The following ATP8B1 variants were observed in gnomAD, a reference collection of about 807,000 sequenced individuals.
ATP8B1 encodes the protein phospholipid-transporting ATPase IC.
ATP8B1 carries 80 observed loss-of-function variants against 149.9 expected under a neutral mutation model. The ratio of observed to expected loss-of-function variants is 0.53; its 90% CI spans 0.45 to 0.64. The LOEUF (loss-of-function observed/expected upper bound fraction) is 0.64, where lower values mean the gene tolerates loss of function less well. Among genes scored for constraint, ATP8B1 ranks in the 30% least tolerant of loss-of-function variants. The probability of loss-of-function intolerance (pLI) is 0.00; values close to 1 mark genes in which losing one functional copy is unlikely to be tolerated. For synonymous variants in ATP8B1, 536 were observed against 562.8 expected (o/e 0.95, Z 0.67); for missense variants, 1,247 against 1,552.6 (o/e 0.80, Z 3.31).
At chr18:57,721,742 C>A (rs1360945793) in intron 2 of ATP8B1, among the ~76,000 whole-genome samples, 1 of 95,824 alleles carries the variant, frequency 1.0e-5, no homozygotes, top group Admixed American at 1.2e-4. Flanking sequence ...CTGCACCAAG[C>A]GGACCTAATA....
chr18:57,783,480 C>T (rs554806592), intron 1 of ATP8B1, among the ~76,000 whole-genome samples: 4 of 152,026 alleles, frequency 2.6e-5, no homozygotes, highest in Non-Finnish European at 5.9e-5. Flanking sequence ...ATCGAATATG[C>T]CTGGTAGATG....
chr18:57,706,384 G>T, intron 3 of ATP8B1, 106 bp downstream of exon 3: 1 of 832,358 alleles, frequency 1.2e-6, no homozygotes. Context: ...GTAGCCCCAG[G>T]CAGGTGGTTA....
At chr18:57,718,103 TA>T (rs59629558) in intron 2 of ATP8B1, among the ~76,000 whole-genome samples, 6,221 of 31,976 alleles carry the variant, frequency 0.19, 186 homozygotes, top group East Asian at 0.38. Flanking sequence ...CTGGACTAAC[TA>T]AAAAAAAAAA....
rs187630495 is a variant in ATP8B1 at position 57,655,303 on chromosome 18, C to A, written c.2822G>T (p.Arg941Leu). The stretch of plus-strand genomic sequence containing the variant: ...CTTGCACATCCTTATGTAAGACCAT[C>A]GGCCATGCACCAGCAGTAGCCTCTG... Reference protein sequence around the residue: ...YLQRLLLVHGRWSYIRMCKFL... With the variant: ...YLQRLLLVHGLWSYIRMCKFL... The change falls in exon 23 of 28, where the codon CGA (arginine) becomes CTA (leucine). Residue 941 changes from arginine to leucine, a missense_variant. Arg to Leu is a moderately radical substitution (Grantham distance 102). This residue lies in a region of ATP8B1 where 230 missense variants were observed against 356.6 expected (regional missense o/e 0.65). Coordinates refer to ENST00000648908, the MANE Select transcript of ATP8B1 (RefSeq NM_001374385.1). The A allele has an allele frequency of 6.2e-7, 1 of 1,614,092 alleles. No individual in the cohort carries two copies. Among genetic ancestry groups the A allele is most frequent in the Non-Finnish European group, 8.5e-7 (1 of 1,179,936 alleles).
At chr18:57,668,586 ACC>A (rs1911041039) in intron 18 of ATP8B1, 46 bp from the exon 19 acceptor site, 1 of 1,275,600 alleles carries the variant, frequency 7.8e-7, no homozygotes, top group Admixed American at 2.2e-5. Flanking sequence ...TAGCAAACAA[ACC>A]AAAAGTTTTC....
In ATP8B1 at chr18:57,650,442, A is replaced by C. The variant is rs1354621412; in HGVS notation, c.3456T>G (p.Ala1152=). ...QPYIWLTIIL[A]VAVCLLPVVA... is the part of the protein sequence containing the mutation. ...CGACGGGTAGTAAGCACACAGCAACAGCCAGGATGATAGTTAACCAAATGT... is the reference window on the plus strand; with the variant it reads ...CGACGGGTAGTAAGCACACAGCAACCGCCAGGATGATAGTTAACCAAATGT... Residue 1152 remains alanine (A), a synonymous_variant, in exon 27 of 28, where the codon GCT becomes GCG. Transcript: ENST00000648908. 6.2e-7 allele frequency: 1 copy of C among 1,613,978 alleles called. No homozygotes were observed. Among genetic ancestry groups the C allele is most frequent in the African/African-American group, 1.3e-5 (1 of 74,942 alleles).
chr18:57,677,488 A>G (rs1466580358), intron 15 of ATP8B1, among the ~76,000 whole-genome samples: 1 of 43,000 alleles, frequency 2.3e-5, no homozygotes, highest in Admixed American at 3.3e-4. Flanking sequence ...CCACAGATGC[A>G]TGAGCAGCCT....
In ATP8B1 at chr18:57,783,711, T is replaced by C. The variant is rs2850242; in HGVS notation, c.-26+19287A>G. 6.2e-3 allele frequency among the ~76,000 whole-genome samples: 939 copies of C among 152,068 alleles called. 11 individuals are homozygous for C. The highest frequency in any genetic ancestry group is 0.021 in the African/African-American group (884 of 41,480). ...ATTAGCCAGGCATGGTGGCACGCGC[T>C]TGTAATCCCAGCTACTCAGGTGGCT... On this transcript the variant is annotated intron_variant, in intron 1 of 27. Transcript: ENST00000648908.
At chr18:57,664,501 G>GA (rs532262308) in intron 20 of ATP8B1, among the ~76,000 whole-genome samples, 32,055 of 99,620 alleles carry the variant, frequency 0.32, 5,057 homozygotes, top group East Asian at 0.66. Context: ...GTCTTTCTAA[G>GA]AAAAAAAAAA....
In ATP8B1 at chr18:57,784,413, C is replaced by T. The variant is rs1311295622; in HGVS notation, c.-26+18585G>A. 6.6e-6 allele frequency among the ~76,000 whole-genome samples: 1 copy of T among 152,116 alleles called. No individual in the cohort carries two copies. Among genetic ancestry groups the T allele is most frequent in the Non-Finnish European group, 1.5e-5 (1 of 68,022 alleles). On this transcript the variant is annotated intron_variant, in intron 1 of 27. Coordinates refer to ENST00000648908, the MANE Select transcript of ATP8B1 (RefSeq NM_001374385.1). The surrounding 1 kb of genome is among the most constrained non-coding windows in gnomAD (Gnocchi z 4.4). ...GAATGGTCCAGGAGAGGGAGGATGA[C>T]AGCTTGAACCTCGCGGATGGCAGCG...
chr18:57,683,137 T>A (rs1912065163), intron 15 of ATP8B1, among the ~76,000 whole-genome samples: 1 of 152,198 alleles, frequency 6.6e-6, no homozygotes, highest in South Asian at 2.1e-4. Flanking sequence ...CCTACACATT[T>A]AGTTTTTATG....
Position 57,791,191 on chromosome 18 carries a change from T to C in ATP8B1, c.-26+11807A>G, listed in dbSNP as rs573638255. 5.3e-5 allele frequency among the ~76,000 whole-genome samples: 8 copies of C among 152,306 alleles called. No individual in the cohort carries two copies. The East Asian group carries it at 1.3e-3, about 26-fold the overall frequency. On this transcript the variant is annotated intron_variant, in intron 1 of 27. Coordinates refer to ENST00000648908, the MANE Select transcript of ATP8B1 (RefSeq NM_001374385.1). Reference sequence around the variant, plus strand: ...CTGGCAACCACTGCTCAGTTTTCTGTCTCTGAACTTGACTATTCTGGGCAC... The same window carrying C: ...CTGGCAACCACTGCTCAGTTTTCTGCCTCTGAACTTGACTATTCTGGGCAC...
At chr18:57,788,423 T>C (rs1324414698) in intron 1 of ATP8B1, among the ~76,000 whole-genome samples, 1 of 151,808 alleles carries the variant, frequency 6.6e-6, no homozygotes, top group Non-Finnish European at 1.5e-5. Flanking sequence ...GGCGTGGTGG[T>C]GCCCATCTGT....
intron 1 of ATP8B1, among the ~76,000 whole-genome samples, chr18:57,738,916 T>G (rs1459783973): frequency 6.6e-6 from 1 of 152,150 alleles, no homozygotes; most frequent in Non-Finnish European, 1.5e-5. Flanking sequence ...TGTGACTACA[T>G]GGAGAGAGGT....
rs1390864114 is a variant in ATP8B1, at chr18:57,648,547, G to T, written c.3697C>A (p.Pro1233Thr). The T allele has an allele frequency of 6.2e-7, 1 of 1,611,586 alleles. No homozygotes were observed. ...SGRSIRKKRSPLDAIVADGTA... is the reference protein window; with the variant it reads ...SGRSIRKKRSTLDAIVADGTA... Reference sequence around the variant, plus strand: ...CCATCCGCCACGATGGCATCAAGCGGCGAGCGCTTCTTGCGGATGCTGCGC... The same window carrying T: ...CCATCCGCCACGATGGCATCAAGCGTCGAGCGCTTCTTGCGGATGCTGCGC... Residue 1233 changes from proline (P) to threonine (T), a missense_variant, in exon 28 of 28, where the codon CCG becomes ACG. Pro to Thr is a conservative substitution (Grantham distance 38, BLOSUM62 -1). This residue lies in a region of ATP8B1 where 164 missense variants were observed against 160.3 expected (regional missense o/e 1.02). Transcript: ENST00000648908.
chr18:57,781,109 A>G (rs974677084), intron 1 of ATP8B1, among the ~76,000 whole-genome samples: 1 of 152,252 alleles, frequency 6.6e-6, no homozygotes, highest in African/African-American at 2.4e-5. Flanking sequence ...ACACCAAAAA[A>G]GGAAGCATTA....
Position 57,668,111 on chromosome 18 carries a change from A to G in ATP8B1, c.2209+318T>C. 5 of 1,336,638 alleles carry G rather than the reference A, an allele frequency of 3.7e-6. No homozygotes were observed. The South Asian group carries it at 6.1e-5, about 16-fold the overall frequency. 82.8% of individuals were successfully genotyped at this position (1,336,638 alleles called of 1,614,324 possible). A position where few individuals can be genotyped will look rare whatever the true frequency, so the allele number is the denominator to read the frequency against. On this transcript the variant is annotated intron_variant, in intron 19 of 27. Transcript: ENST00000648908. ...TGCCCACCAAATGTCAAAGCACTGG[A>G]AGGACAGAGGGACAAGAGGGATGGC...
intron 11 of ATP8B1, 144 bp downstream of exon 11, chr18:57,694,438 T>C (rs1156659481): frequency 1.3e-5 from 8 of 603,388 alleles, no homozygotes; most frequent in Middle Eastern, 4.4e-4. Flanking sequence ...AAATCCCTTC[T>C]TCCTGCATTT....
At chr18:57,744,380 A>C (rs1382808131) in intron 1 of ATP8B1, among the ~76,000 whole-genome samples, 2 of 151,984 alleles carry the variant, frequency 1.3e-5, no homozygotes, top group African/African-American at 4.8e-5. Context: ...TGTGCTTAAA[A>C]TGAAGGCAGG....
Sources: allele counts gnomAD v4.1 joint callset (sites outside exome capture counted in the v4.1 genomes callset), GRCh38; gene constraint gnomAD v4.1.1; regional missense constraint gnomAD v4.1.1; non-coding constraint Gnocchi (gnomAD v3.1); transcripts MANE v1.5; gene names NCBI Gene and HGNC (gene_info 2026-07-23, HGNC 2026-07-21).